The following C6orf58 variants were observed in gnomAD, a reference collection of about 807,000 sequenced individuals.
The protein encoded by C6orf58 is protein LEG1 homolog.
Under a neutral mutation model 37.0 loss-of-function variants are expected in C6orf58, and 30 were observed. The ratio of observed to expected loss-of-function variants is 0.81; its 90% CI spans 0.61 to 1.10. The LOEUF (loss-of-function observed/expected upper bound fraction) is 1.10, where lower values mean the gene tolerates loss of function less well. C6orf58 is among the 50% of genes least tolerant of loss of function. The pLI is 0.00. For synonymous variants in C6orf58, 143 were observed against 134.1 expected (o/e 1.07, Z -0.46); for missense variants, 368 against 387.5 (o/e 0.95, Z 0.42).
intron 4 of C6orf58, among the ~76,000 whole-genome samples, chr6:127,588,450 CA>C (rs1371109760): frequency 1.3e-5 from 2 of 152,148 alleles, no homozygotes; most frequent in African/African-American, 4.8e-5. Flanking sequence ...AAAAGCTCAT[CA>C]AGTTACTTTC....
intron 4 of C6orf58, among the ~76,000 whole-genome samples, chr6:127,587,330 T>C (rs1775117443): frequency 6.6e-6 from 1 of 152,204 alleles, no homozygotes; most frequent in South Asian, 2.1e-4. Flanking sequence ...AAATATTGTG[T>C]TATGGATAAA....
chr6:127,590,257 A>G lies in C6orf58; in HGVS notation c.845A>G (p.Asp282Gly), dbSNP rs1488920876. The stretch of plus-strand genomic sequence containing the variant: ...ACTGATGTAGCCCCTTTCATCAGTG[A>G]CTTTACTGCTTTTCAGAATGTAGTC... ...LNTDVAPFIS[D>G]FTAFQNVVLV... Residue 282 changes from aspartate to glycine, a missense_variant, in exon 5 of 6, where the codon GAC (aspartate) becomes GGC (glycine). By Grantham distance (94) the Asp-to-Gly change is moderately conservative. Coordinates refer to ENST00000329722, the MANE Select transcript of C6orf58 (RefSeq NM_001010905.3). 2 of 1,613,632 alleles carry G rather than the reference A, an allele frequency of 1.2e-6. No individual in the cohort carries two copies. The highest frequency in any genetic ancestry group is 2.2e-5 in the South Asian group (2 of 91,076).
rs1331012939 is a variant in C6orf58 at position 127,590,155 on chromosome 6, C to G, written c.743C>G (p.Ala248Gly). The change falls in exon 5 of 6, where the codon GCT becomes GGT. Residue 248 changes from alanine to glycine, a missense_variant. By Grantham distance (60) the Ala-to-Gly change is moderately conservative. Coordinates refer to ENST00000329722, the MANE Select transcript of C6orf58 (RefSeq NM_001010905.3). ...TGGGTACTGGCTGTGGATCATTTAG[C>G]TGCAGTCCTCTTTCCTACAACCTTG... is the stretch of plus-strand genomic sequence containing the variant. ...RSWVLAVDHLAAVLFPTTLIR... is the reference protein window; with the variant it reads ...RSWVLAVDHLGAVLFPTTLIR... The G allele has an allele frequency of 6.2e-7, 1 of 1,613,782 alleles. No individual in the cohort carries two copies. The highest frequency in any genetic ancestry group is 1.1e-5 in the South Asian group (1 of 91,078).
intron 2 of C6orf58, among the ~76,000 whole-genome samples, 169 bp downstream of exon 2, chr6:127,578,941 G>A (rs1459263370): frequency 6.6e-6 from 1 of 152,024 alleles, no homozygotes; most frequent in Non-Finnish European, 1.5e-5. Flanking sequence ...AGGGATTTAA[G>A]AGCCACAATG....
intron 2 of C6orf58, 152 bp from the exon 3 acceptor site, chr6:127,580,113 G>C: frequency 8.9e-6 from 5 of 559,448 alleles, no homozygotes; most frequent in Non-Finnish European, 1.6e-5. Flanking sequence ...TTGATCCTTA[G>C]GGGGATTTTT....
At chr6:127,590,436 A>G (rs1379154231) in intron 5 of C6orf58, 111 bp downstream of exon 5, 3 of 709,784 alleles carry the variant, frequency 4.2e-6, no homozygotes, top group African/African-American at 1.8e-5. Context: ...AAAAATAAAG[A>G]TTTCCCTGTG....
In C6orf58 at chr6:127,591,504, T is replaced by G. The variant is rs776762077; in HGVS notation, c.914-39T>G. ...TTGCCAAAAGGTACTTTAAAAAATT[T>G]GCAAGAGTTTACATGTAATCATTTT... On this transcript the variant is annotated intron_variant, in intron 5 of 5. Transcript: ENST00000329722. The G allele has an allele frequency of 2.7e-6, 4 of 1,479,652 alleles. No homozygotes were observed. The South Asian group carries it at 5.7e-5, about 21-fold the overall frequency. 91.7% of individuals were successfully genotyped at this position (1,479,652 alleles called of 1,614,324 possible).
intron 4 of C6orf58, 64 bp downstream of exon 4, chr6:127,581,346 T>C (rs1343035337): frequency 1.6e-5 from 11 of 666,756 alleles, no homozygotes; most frequent in Non-Finnish European, 2.1e-5. Context: ...ATTATTTATA[T>C]ATTTTTCTTC....
Position 127,581,489 on chromosome 6 carries a change from G to GA in C6orf58, c.674+215dup, listed in dbSNP as rs1359660323. On this transcript the variant is annotated intron_variant, in intron 4 of 5. Coordinates refer to ENST00000329722, the MANE Select transcript of C6orf58 (RefSeq NM_001010905.3). ...TTTATGAAGAAGGGGAAAATTTTGA[G>GA]AAAAAAAAGCCTTGCATGAAAAAAC... is the stretch of plus-strand genomic sequence containing the variant. Among the ~76,000 whole-genome samples the GA allele has an allele frequency of 3.6e-5, 5 of 139,190 alleles. No homozygotes were observed. In the South Asian group the frequency reaches 1.1e-3, roughly 31 times the overall value. The allele number at this position is 139,190 out of a possible 152,430, so 91.3% of individuals were successfully genotyped here.
rs150508855 is a variant in C6orf58, at chr6:127,584,654, GTACCAGC to G, written c.674+3376_674+3382del. Among the ~76,000 whole-genome samples, 822 of 151,980 alleles carry G rather than the reference GTACCAGC, an allele frequency of 5.4e-3. 9 individuals carry two copies. Among genetic ancestry groups the G allele is most frequent in the African/African-American group, 0.018 (758 of 41,452 alleles). On this transcript the variant is annotated intron_variant, in intron 4 of 5. Transcript: ENST00000329722. ...CCAGGCGTGGTGTTGCAGGCCTGTA[GTACCAGC>G]TACTTGGGAGGCTGAGGCAGAAGAA...
chr6:127,578,152 T>C (rs1775010089), intron 1 of C6orf58, among the ~76,000 whole-genome samples: 2 of 152,096 alleles, frequency 1.3e-5, no homozygotes, highest in South Asian at 2.1e-4. Context: ...GCAATTTCAT[T>C]TGGAAGAAAA....
In C6orf58 at chr6:127,591,621, G is replaced by A. The variant is rs754286310; in HGVS notation, c.992G>A (p.Ter331=). 6.7e-7 allele frequency: 1 copy of A among 1,496,792 alleles called. No homozygotes were observed. Among genetic ancestry groups the A allele is most frequent in the South Asian group, 1.4e-5 (1 of 69,752 alleles). The allele number at this position is 1,496,792 out of a possible 1,614,324, so 92.7% of individuals were successfully genotyped here. ...SSSRSYGNNS[*] The stretch of plus-strand genomic sequence containing the variant: ...TCTAGAAGTTATGGAAATAACTCCT[G>A]AAACATTTAACTTCAAACTTCAGGA... Residue 331 remains the stop codon, a stop_retained_variant, in exon 6 of 6, where the codon TGA becomes TAA. Coordinates refer to ENST00000329722, the MANE Select transcript of C6orf58 (RefSeq NM_001010905.3).
chr6:127,577,184 CA>C lies in C6orf58; in HGVS notation c.1del. On this transcript the variant is annotated 5_prime_UTR_variant, in exon 1 of 6. Transcript: ENST00000329722. ...ACGATCGCAATCCCCAGCTCTGGCA[CA>C]ATGGCTTTTCTTCCTTCCTGGGTTT... 1 of 1,612,304 alleles carries C rather than the reference CA, an allele frequency of 6.2e-7. No individual in the cohort carries two copies. The highest frequency in any genetic ancestry group is 8.5e-7 in the Non-Finnish European group (1 of 1,179,114).
At chr6:127,589,490 A>G (rs1332005619) in intron 4 of C6orf58, among the ~76,000 whole-genome samples, 1 of 152,196 alleles carries the variant, frequency 6.6e-6, no homozygotes, top group Non-Finnish European at 1.5e-5. Context: ...ATTTCTTAGG[A>G]GAAACTAAAC....
At chr6:127,584,125 T>G (rs1414440592) in intron 4 of C6orf58, among the ~76,000 whole-genome samples, 2 of 152,238 alleles carry the variant, frequency 1.3e-5, no homozygotes, top group Non-Finnish European at 2.9e-5. Context: ...CATTTTCTAA[T>G]AACCTTTTCA....
intron 2 of C6orf58, 143 bp downstream of exon 2, chr6:127,578,915 C>G (rs1583127309): frequency 5.1e-6 from 3 of 588,258 alleles, no homozygotes; most frequent in East Asian, 5.7e-5. Flanking sequence ...TACCTTATGG[C>G]CTTTAGGTCA....
At chr6:127,586,870 C>T (rs1390777308) in intron 4 of C6orf58, among the ~76,000 whole-genome samples, 3 of 152,180 alleles carry the variant, frequency 2.0e-5, no homozygotes, top group Admixed American at 2.0e-4. Context: ...CAAGGACCCT[C>T]TGTTCTACCC....
At chr6:127,579,249 G>A (rs888324186) in intron 2 of C6orf58, among the ~76,000 whole-genome samples, 20 of 152,026 alleles carry the variant, frequency 1.3e-4, no homozygotes, top group Admixed American at 1.1e-3. Flanking sequence ...TATACTTAAT[G>A]CTAAAATAAC....
chr6:127,588,107 T>C (rs1223335922), intron 4 of C6orf58, among the ~76,000 whole-genome samples: 3 of 152,196 alleles, frequency 2.0e-5, no homozygotes, highest in East Asian at 1.9e-4. Context: ...CTGATTTTGA[T>C]TGGCTCCAGC....
Sources: allele counts gnomAD v4.1 joint callset (sites outside exome capture counted in the v4.1 genomes callset), GRCh38; gene constraint gnomAD v4.1.1; transcripts MANE v1.5; gene names NCBI Gene and HGNC (gene_info 2026-07-23, HGNC 2026-07-21).